POU3F3: variants seen among roughly 807,000 people sequenced by gnomAD.
POU3F3 encodes the protein POU domain, class 3, transcription factor 3.
Under a neutral mutation model 8.6 loss-of-function variants are expected in POU3F3, and 1 was observed. The ratio of observed to expected loss-of-function variants is 0.12; its 90% confidence interval spans 0.04 to 0.55. POU3F3 has a LOEUF of 0.55. Ranked by LOEUF, POU3F3 falls within the 20% of genes least tolerant of loss-of-function variation. The pLI is 0.91. For synonymous variants in POU3F3, 418 were observed against 327.4 expected, an observed-to-expected ratio of 1.28 and a Z score of -2.99; for missense variants, 577 against 690.7, an observed-to-expected ratio of 0.84 and a Z score of 1.84.
chr2:104,899,568 A>G, the POU3F3 span, among the ~76,000 whole-genome samples: 1 of 152,214 alleles, frequency 6.6e-6, no homozygotes, highest in Non-Finnish European at 1.5e-5. Flanking sequence ...CCAAATGAAA[A>G]TATTGGCTTG....
the POU3F3 span, among the ~76,000 whole-genome samples, chr2:104,921,310 A>C: frequency 1.3e-5 from 2 of 152,342 alleles, no homozygotes; most frequent in East Asian, 3.9e-4. Context: ...AATTCTGGGA[A>C]GATGGCAGAG....
chr2:104,876,512 A>C, the POU3F3 span, among the ~76,000 whole-genome samples: 1 of 152,196 alleles, frequency 6.6e-6, no homozygotes, highest in African/African-American at 2.4e-5. Flanking sequence ...AGGCTTACTT[A>C]GGATTTATGT....
chr2:104,867,903 C>T, the POU3F3 span: 1,442 of 213,230 alleles, frequency 6.8e-3, 28 homozygotes, highest in African/African-American at 0.032. This position sits in a 1 kb window ranked among gnomAD's most constrained non-coding sequence, Gnocchi z 5.0. Context: ...AGGCTGCGCA[C>T]TCCGCCCCCG....
chr2:104,855,951 C>A lies in POU3F3; in HGVS notation c.441C>A (p.Pro147=), dbSNP rs1163252878. The A allele has an allele frequency of 9.4e-7, 1 of 1,058,802 alleles. No homozygotes were observed. The highest frequency in any genetic ancestry group is 1.1e-6 in the Non-Finnish European group (1 of 875,658). The allele number at this position is 1,058,802 out of a possible 1,614,324, so 65.6% of individuals were successfully genotyped here. Residue 147 remains proline, a synonymous_variant, in exon 1 of 1, where the codon CCC becomes CCA. Coordinates refer to ENST00000361360, the MANE Select transcript of POU3F3 (RefSeq NM_006236.3). The stretch of plus-strand genomic sequence containing the variant: ...CGCCGCCGCCACCGCCGCAGGGCCC[C>A]GACGTGAAGGGCGGCGCCGGGCGCG... The part of the protein sequence containing the change: ...PQPPPPPPQG[P]DVKGGAGRDD...
rs1220640724 is a variant in POU3F3, at chr2:104,856,743, C to T, written c.1233C>T (p.Thr411=). 14 of 1,614,154 alleles carry T rather than the reference C, an allele frequency of 8.7e-6. No homozygotes were observed. The highest frequency in any genetic ancestry group is 7.7e-5 in the South Asian group (7 of 91,082). ...AAQGRKRKKR[T]SIEVSVKGAL... ...AGGGCCGCAAGCGCAAGAAGCGGAC[C>T]TCTATCGAGGTGAGCGTCAAGGGCG... Residue 411 remains threonine (T), a synonymous_variant, in exon 1 of 1, where the codon ACC becomes ACT. Transcript: ENST00000361360.
At chr2:104,877,050 A>G in the POU3F3 span, among the ~76,000 whole-genome samples, 1 of 86,108 alleles carries the variant, frequency 1.2e-5, no homozygotes. Context: ...ACTGTGGTAT[A>G]CACACACACA....
At chr2:104,899,736 A>G in the POU3F3 span, among the ~76,000 whole-genome samples, 357 of 152,340 alleles carry the variant, frequency 2.3e-3, 1 homozygote, top group African/African-American at 8.4e-3. Flanking sequence ...TGCTTTCTCA[A>G]TTTCCACACA....
chr2:104,879,929 A>G, the POU3F3 span, among the ~76,000 whole-genome samples: 1 of 152,180 alleles, frequency 6.6e-6, no homozygotes, highest in African/African-American at 2.4e-5. Context: ...TAAAACAATC[A>G]CAGATCTACT....
At chr2:104,920,102 C>T in the POU3F3 span, among the ~76,000 whole-genome samples, 1 of 152,192 alleles carries the variant, frequency 6.6e-6, no homozygotes, top group East Asian at 1.9e-4. Flanking sequence ...GCAACCTCTA[C>T]CTCCCGGGTT....
the POU3F3 span, among the ~76,000 whole-genome samples, chr2:104,905,144 G>A: frequency 9.2e-5 from 14 of 152,142 alleles, no homozygotes; most frequent in African/African-American, 3.1e-4. Context: ...GTGCCTCCTG[G>A]TCTGTTAGCT....
rs1419590528 is a variant in POU3F3, at chr2:104,854,205, A to C, written c.-1306A>C. On this transcript the variant is annotated 5_prime_UTR_variant, in exon 1 of 1. Transcript: ENST00000361360. This position sits in a 1 kb window ranked among gnomAD's most constrained non-coding sequence, Gnocchi z 4.5. ...GCGCCCGAGAGAGGGAGAGAGAGAG[A>C]GGGAGGGAGAGGAAAAGTGAGAGAG... Among the ~76,000 whole-genome samples the C allele has an allele frequency of 6.6e-6, 1 of 151,788 alleles. No homozygotes were observed. Among genetic ancestry groups the C allele is most frequent in the Non-Finnish European group, 1.5e-5 (1 of 67,962 alleles).
chr2:104,916,037 G>A, the POU3F3 span, among the ~76,000 whole-genome samples: 7 of 151,456 alleles, frequency 4.6e-5, no homozygotes, highest in African/African-American at 1.2e-4. Flanking sequence ...TAAAACCATC[G>A]GTGCCCTCAG....
the POU3F3 span, among the ~76,000 whole-genome samples, chr2:104,895,509 A>C: frequency 6.6e-6 from 1 of 152,218 alleles, no homozygotes; most frequent in African/African-American, 2.4e-5. Flanking sequence ...TAATCTAGAA[A>C]TTATAACTGT....
At chr2:104,866,157 C>T in the POU3F3 span, 1 of 152,098 alleles carries the variant, frequency 6.6e-6, no homozygotes, top group African/African-American at 2.4e-5. Flanking sequence ...TAATAGTTGT[C>T]CTGAATGTTT....
chr2:104,898,519 T>C, the POU3F3 span, among the ~76,000 whole-genome samples: 28 of 152,330 alleles, frequency 1.8e-4, no homozygotes, highest in Admixed American at 1.0e-3. Flanking sequence ...GAAATTCTAG[T>C]GTCAAAAATG....
the POU3F3 span, among the ~76,000 whole-genome samples, chr2:104,877,184 T>C: frequency 1.3e-5 from 2 of 152,082 alleles, no homozygotes; most frequent in Admixed American, 6.5e-5. Flanking sequence ...GAAAGGGCTT[T>C]GTAGTGCTTG....
the POU3F3 span, among the ~76,000 whole-genome samples, chr2:104,915,848 A>G: frequency 6.6e-6 from 1 of 151,972 alleles, no homozygotes; most frequent in Non-Finnish European, 1.5e-5. Flanking sequence ...CTTATAACTC[A>G]TCACCCCTGA....
downstream of POU3F3, among the ~76,000 whole-genome samples, chr2:104,860,083 A>T (rs1676636948): frequency 6.6e-6 from 1 of 152,238 alleles, no homozygotes; most frequent in Non-Finnish European, 1.5e-5. Flanking sequence ...AAAAAATTTC[A>T]GGAGGTATCT....
rs559701743 is a variant in POU3F3, at chr2:104,854,981, G to A, written c.-530G>A. On this transcript the variant is annotated 5_prime_UTR_variant, in exon 1 of 1. Transcript: ENST00000361360. The surrounding 1 kb of genome is among the most constrained non-coding windows in gnomAD (Gnocchi z 4.5). ...TGAAACCTTCACTTAGCAGGTGGAC[G>A]GAGCCCCGCGACCGGGCAGAGTCCG... Among the ~76,000 whole-genome samples the A allele has an allele frequency of 1.2e-4, 19 of 152,302 alleles. No individual in the cohort carries two copies. The East Asian group carries it at 3.5e-3, about 28-fold the overall frequency.
Sources: gnomAD v4.1 joint callset for allele counts (sites outside exome capture counted in the v4.1 genomes callset) on GRCh38, gnomAD v4.1.1 for gene constraint, Gnocchi (gnomAD v3.1) non-coding constraint, MANE v1.5 for transcripts, NCBI Gene and HGNC (gene_info 2026-07-23, HGNC 2026-07-21) for gene names.